The following GPATCH8 variants were observed in gnomAD, a reference collection of about 807,000 sequenced individuals.
The protein encoded by GPATCH8 is G-patch domain containing 8.
A neutral mutation model predicts 118.3 loss-of-function variants in GPATCH8; 18 were observed. The observed-to-expected ratio is 0.15, with a 90% CI of 0.11 to 0.23. The LOEUF (loss-of-function observed/expected upper bound fraction) is 0.23. Ranked by LOEUF, GPATCH8 falls within the 10% of genes least tolerant of loss-of-function variation. The pLI, the probability that GPATCH8 is intolerant of heterozygous loss-of-function variation, is 1.00. For missense variants in GPATCH8, 1,631 were observed against 1,873.8 expected, an observed-to-expected ratio of 0.87 and a Z score of 2.39; for synonymous variants, 659 against 684.7, an observed-to-expected ratio of 0.96 and a Z score of 0.59.
At chr17:44,489,625 C>T (rs1969079004) in intron 1 of GPATCH8, among the ~76,000 whole-genome samples, 1 of 152,144 alleles carries the variant, frequency 6.6e-6, no homozygotes, top group African/African-American at 2.4e-5. Context: ...CAGGCGTGAG[C>T]CACCGCCCCC....
chr17:44,482,777 T>C (rs991220322), intron 1 of GPATCH8, among the ~76,000 whole-genome samples: 8 of 151,924 alleles, frequency 5.3e-5, no homozygotes. Flanking sequence ...TACTACTGCA[T>C]GTTAATTTTC....
At chr17:44,411,269 T>C (rs929031029) in intron 6 of GPATCH8, among the ~76,000 whole-genome samples, 4 of 152,196 alleles carry the variant, frequency 2.6e-5, no homozygotes, top group East Asian at 1.9e-4. Context: ...ATTCTGTCAA[T>C]AGTCAAGAGC....
rs187233859 is a variant in GPATCH8 at position 44,478,258 on chromosome 17, T to C, written c.46-3355A>G. 3.0e-3 allele frequency among the ~76,000 whole-genome samples: 457 copies of C among 152,288 alleles called. 4 individuals are homozygous for C. The highest frequency in any genetic ancestry group is 0.011 in the African/African-American group (446 of 41,558). On this transcript the variant is annotated intron_variant, in intron 1 of 7. Transcript: ENST00000591680. The stretch of plus-strand genomic sequence containing the variant: ...CTTCTAAATTACTAAATAATAAATA[T>C]CCAAATACTGAGATTAACTCAAACC...
rs767730170 is a variant in GPATCH8, at chr17:44,399,178, GACT to G, written c.2896_2898del (p.Ser966del). 2 of 1,611,242 alleles carry G rather than the reference GACT, an allele frequency of 1.2e-6. No individual in the cohort carries two copies. Among genetic ancestry groups the G allele is most frequent in the South Asian group, 1.1e-5 (1 of 91,008 alleles). ...CGGCTTCTCCGCTTGCTTCGACTACGACTACAACTGCTGCTGCGGCTGCGGCCC... is the reference window on the plus strand; with the variant it reads ...CGGCTTCTCCGCTTGCTTCGACTACGACAACTGCTGCTGCGGCTGCGGCCC... On this transcript the variant is annotated inframe_deletion, in exon 8 of 8. Transcript: ENST00000591680.
At chr17:44,463,920 C>G (rs553092030) in intron 3 of GPATCH8, among the ~76,000 whole-genome samples, 6 of 152,184 alleles carry the variant, frequency 3.9e-5, no homozygotes, top group African/African-American at 7.2e-5. Flanking sequence ...TGAGAAATAA[C>G]CTCTCTGCTC....
chr17:44,398,022 G>A lies in GPATCH8; in HGVS notation c.4055C>T (p.Ala1352Val). 6.2e-7 allele frequency: 1 copy of A among 1,614,000 alleles called. No homozygotes were observed. Among genetic ancestry groups the A allele is most frequent in the Non-Finnish European group, 8.5e-7 (1 of 1,179,876 alleles). The part of the protein sequence containing the change: ...AFPASAALAP[A>V]TPALQPIHIQ... ...GTGGATGGGTTGCAGGGCTGGTGTG[G>A]CTGGGGCCAGGGCAGCTGAGGCTGG... The change falls in exon 8 of 8, where the codon GCC (alanine) becomes GTC (valine). Residue 1352 changes from alanine (A) to valine (V), a missense_variant. Physicochemically the swap from Ala to Val is moderately conservative, Grantham distance 64. Coordinates refer to ENST00000591680, the MANE Select transcript of GPATCH8 (RefSeq NM_001002909.4).
At chr17:44,453,971 G>T (rs760131379) in intron 3 of GPATCH8, among the ~76,000 whole-genome samples, 2 of 151,510 alleles carry the variant, frequency 1.3e-5, no homozygotes, top group African/African-American at 2.4e-5. Context: ...GTTAAAAAAC[G>T]CATAAAATCC....
Position 44,399,177 on chromosome 17 carries a change from C to A in GPATCH8, c.2900G>T (p.Arg967Leu). Residue 967 changes from arginine to leucine, a missense_variant, in exon 8 of 8, where the codon CGT becomes CTT. By Grantham distance (102) the Arg-to-Leu change is moderately radical. Around this residue, in one of 8 missense-constraint regions of GPATCH8, gnomAD observed 922 missense variants for 879.7 expected, o/e 1.05. Transcript: ENST00000591680. Reference protein sequence around the residue: ...RGRSRSSSCSRSRSKRRSRST... With the variant: ...RGRSRSSSCSLSRSKRRSRST... ...ACGGCTTCTCCGCTTGCTTCGACTA[C>A]GACTACAACTGCTGCTGCGGCTGCG... 6.2e-7 allele frequency: 1 copy of A among 1,611,368 alleles called. No individual in the cohort carries two copies. Among genetic ancestry groups the A allele is most frequent in the Non-Finnish European group, 8.5e-7 (1 of 1,177,762 alleles).
At chr17:44,417,382 T>C (rs1046388262) in intron 6 of GPATCH8, among the ~76,000 whole-genome samples, 1 of 152,162 alleles carries the variant, frequency 6.6e-6, no homozygotes, top group African/African-American at 2.4e-5. Context: ...ATCCAGCTAA[T>C]TTTTGGGGGC....
Position 44,435,060 on chromosome 17 carries a change from A to G in GPATCH8, c.348+5T>C. 8.0e-7 allele frequency: 1 copy of G among 1,244,554 alleles called. No homozygotes were observed. Among genetic ancestry groups the G allele is most frequent in the African/African-American group, 1.5e-5 (1 of 68,106 alleles). The allele number at this position is 1,244,554 out of a possible 1,614,324, so 77.1% of individuals were successfully genotyped here. Reference sequence around the variant, plus strand: ...ATCTCCCAATGAATAGCTTTGTTTAAATACCTTGTACTTTTGTCTCAGCTC... The same window carrying G: ...ATCTCCCAATGAATAGCTTTGTTTAGATACCTTGTACTTTTGTCTCAGCTC... On this transcript the variant is annotated splice_donor_5th_base_variant and intron_variant, in intron 5 of 7. Transcript: ENST00000591680.
rs773060282 is a variant in GPATCH8, at chr17:44,397,081, C to A, written c.*487G>T. On this transcript the variant is annotated 3_prime_UTR_variant, in exon 8 of 8. Coordinates refer to ENST00000591680, the MANE Select transcript of GPATCH8 (RefSeq NM_001002909.4). ...CACCAAAGATGGTCAAAGATACTAC[C>A]CCAAAATGGTGGCACTTCCACCACT... The A allele has an allele frequency of 4.4e-6, 2 of 454,338 alleles. No homozygotes were observed. Among genetic ancestry groups the A allele is most frequent in the Non-Finnish European group, 8.8e-6 (2 of 227,082 alleles). The allele number at this position is 454,338 out of a possible 1,614,324, so 28.1% of individuals were successfully genotyped here.
intron 1 of GPATCH8, among the ~76,000 whole-genome samples, chr17:44,498,424 C>T (rs1244363304): frequency 3.3e-5 from 5 of 152,224 alleles, no homozygotes; most frequent in Admixed American, 3.3e-4. Flanking sequence ...AAGTCTCTCT[C>T]TGTGATGTTG....
At chr17:44,433,036 C>G (rs1030984467) in intron 5 of GPATCH8, among the ~76,000 whole-genome samples, 6 of 151,888 alleles carry the variant, frequency 4.0e-5, no homozygotes, top group Admixed American at 1.3e-4. Flanking sequence ...TTTGTAGAGA[C>G]AGATTCTTGC....
chr17:44,440,118 T>C (rs1366303962), intron 3 of GPATCH8, among the ~76,000 whole-genome samples: 1 of 152,166 alleles, frequency 6.6e-6, no homozygotes, highest in African/African-American at 2.4e-5. Context: ...GGTTCCCTAC[T>C]TCTTGGTTTC....
At position 44,400,156 on chromosome 17, in the gene GPATCH8, C is replaced by A. The variant is rs1361102962; in HGVS notation, c.1921G>T (p.Gly641Cys). Residue 641 changes from glycine (G) to cysteine (C), a missense_variant, in exon 8 of 8, where the codon GGC (glycine) becomes TGC (cysteine). Transcript: ENST00000591680. The part of the protein sequence containing the change: ...DAPASGSACS[G>C]LNKQEPGGSH... Reference sequence around the variant, plus strand: ...CCCCCAGGCTCCTGCTTGTTCAGGCCGCTACAGGCAGACCCTGAAGCAGGT... The same window carrying A: ...CCCCCAGGCTCCTGCTTGTTCAGGCAGCTACAGGCAGACCCTGAAGCAGGT... The A allele has an allele frequency of 6.2e-7, 1 of 1,613,950 alleles. No individual in the cohort carries two copies. The highest frequency in any genetic ancestry group is 1.7e-5 in the Admixed American group (1 of 60,012).
intron 6 of GPATCH8, among the ~76,000 whole-genome samples, chr17:44,415,352 T>G (rs1056822784): frequency 6.6e-6 from 1 of 152,226 alleles, no homozygotes; most frequent in Non-Finnish European, 1.5e-5. Flanking sequence ...GGAAGTGTTT[T>G]AGATATTGGG....
chr17:44,489,673 A>G (rs1969085655), intron 1 of GPATCH8, among the ~76,000 whole-genome samples: 1 of 152,032 alleles, frequency 6.6e-6, no homozygotes, highest in Non-Finnish European at 1.5e-5. Context: ...ATACTAGAAA[A>G]ACAAAAAGAG....
intron 3 of GPATCH8, among the ~76,000 whole-genome samples, chr17:44,441,721 C>A (rs905684105): frequency 2.1e-5 from 3 of 145,628 alleles, no homozygotes; most frequent in African/African-American, 7.7e-5. Flanking sequence ...GACACTCCTT[C>A]CCCCCGCCCC....
chr17:44,468,797 TAA>T (rs1159766745), intron 2 of GPATCH8, among the ~76,000 whole-genome samples: 1 of 152,132 alleles, frequency 6.6e-6, no homozygotes, highest in Non-Finnish European at 1.5e-5. Context: ...TTTTTTCTTC[TAA>T]AGTCAACTTG....
Sources: allele counts gnomAD v4.1 joint callset (sites outside exome capture counted in the v4.1 genomes callset), GRCh38; gene constraint gnomAD v4.1.1; regional missense constraint gnomAD v4.1.1; transcripts MANE v1.5; gene names NCBI Gene and HGNC (gene_info 2026-07-23, HGNC 2026-07-21).